The following PTH1R variants were observed in gnomAD, a reference collection of about 807,000 sequenced individuals.
The protein encoded by PTH1R is parathyroid hormone 1 receptor.
PTH1R carries 32 observed loss-of-function variants against 70.7 expected under a neutral mutation model. The ratio of observed to expected loss-of-function variants is 0.45; its 90% CI spans 0.34 to 0.61. PTH1R has a LOEUF of 0.61. PTH1R is among the 20% of genes least tolerant of loss of function. The pLI is 0.01. For synonymous variants in PTH1R, 329 were observed against 324.8 expected, an observed-to-expected ratio of 1.01 and a Z score of -0.14; for missense variants, 626 against 792.5, an observed-to-expected ratio of 0.79 and a Z score of 2.52.
chr3:46,895,917 C>T, intron 5 of PTH1R, 48 bp downstream of exon 5: 1 of 1,595,966 alleles, frequency 6.3e-7, no homozygotes, highest in Non-Finnish European at 8.5e-7. Context: ...TTGGATCCAC[C>T]CACCCCCATT....
rs185621223 is a variant in PTH1R at position 46,886,551 on chromosome 3, G to C, written c.75+2917G>C. Among the ~76,000 whole-genome samples, 299 of 152,276 alleles carry C rather than the reference G, an allele frequency of 2.0e-3. 1 individual carries two copies. The highest frequency in any genetic ancestry group is 7.0e-3 in the African/African-American group (289 of 41,560). The stretch of plus-strand genomic sequence containing the variant: ...TTTTTGTATTTTTAGTAGAGATGGA[G>C]TTTCACCGTGTTAGCCAGGATGGTC... On this transcript the variant is annotated intron_variant, in intron 3 of 15. Coordinates refer to ENST00000449590, the MANE Select transcript of PTH1R (RefSeq NM_000316.3).
Position 46,902,459 on chromosome 3 carries a change from G to A in PTH1R, c.1212-67G>A. 6.3e-7 allele frequency: 1 copy of A among 1,589,036 alleles called. No individual in the cohort carries two copies. Among genetic ancestry groups the A allele is most frequent in the Non-Finnish European group, 8.6e-7 (1 of 1,168,386 alleles). On this transcript the variant is annotated intron_variant, in intron 13 of 15. Transcript: ENST00000449590. This position sits in a 1 kb window ranked among gnomAD's most constrained non-coding sequence, Gnocchi z 5.4. ...TCCGGAGCCTGGGGCTCGCAGGGTG[G>A]GGGGTGGCACAATGCTTGTTGAAGG...
chr3:46,901,804 C>G lies in PTH1R; in HGVS notation c.1155C>G (p.Leu385=). The G allele has an allele frequency of 6.2e-7, 1 of 1,614,072 alleles. No homozygotes were observed. Among genetic ancestry groups the G allele is most frequent in the Non-Finnish European group, 8.5e-7 (1 of 1,179,982 alleles). The change falls in exon 13 of 16, where the codon CTC becomes CTG. Residue 385 remains leucine, a synonymous_variant. Transcript: ENST00000449590. The surrounding 1 kb of genome is among the most constrained non-coding windows in gnomAD (Gnocchi z 7.3). ...TCTTCATCAATATCGTCCGGGTGCT[C>G]GCCACCAAGCTGCGGGAGACCAACG... The part of the protein sequence containing the change: ...FILFINIVRV[L]ATKLRETNAG...
At position 46,893,139 on chromosome 3, in the gene PTH1R, C is replaced by T. The variant is rs1392031875; in HGVS notation, c.76-768C>T. 6.6e-6 allele frequency among the ~76,000 whole-genome samples: 1 copy of T among 151,790 alleles called. No homozygotes were observed. Among genetic ancestry groups the T allele is most frequent in the Non-Finnish European group, 1.5e-5 (1 of 67,934 alleles). On this transcript the variant is annotated intron_variant, in intron 3 of 15. Coordinates refer to ENST00000449590, the MANE Select transcript of PTH1R (RefSeq NM_000316.3). The surrounding 1 kb of genome is among the most constrained non-coding windows in gnomAD (Gnocchi z 5.2). ...GGTGGCAGCCAGGGCCCAGGGTGTG[C>T]AGGTTGGAGGGAAGGGAAAGGACAT...
In PTH1R at chr3:46,882,650, G is replaced by C. The variant is rs2030684624; in HGVS notation, c.-48-862G>C. On this transcript the variant is annotated intron_variant, in intron 2 of 15. Transcript: ENST00000449590. This position sits in a 1 kb window ranked among gnomAD's most constrained non-coding sequence, Gnocchi z 4.3. ...GTGGCTTTTTTGGAAACTTGCAAAT[G>C]TTTTCGTAGAGAGAAAAGGGGGAGG... Among the ~76,000 whole-genome samples the C allele has an allele frequency of 6.6e-6, 1 of 151,740 alleles. No homozygotes were observed. Among genetic ancestry groups the C allele is most frequent in the Non-Finnish European group, 1.5e-5 (1 of 67,900 alleles).
rs2030797035 is a variant in PTH1R at position 46,883,474 on chromosome 3, C to G, written c.-48-38C>G. 8.6e-7 allele frequency: 1 copy of G among 1,169,126 alleles called. No individual in the cohort carries two copies. Among genetic ancestry groups the G allele is most frequent in the Admixed American group, 4.2e-5 (1 of 23,580 alleles). 72.4% of individuals were successfully genotyped at this position (1,169,126 alleles called of 1,614,324 possible). ...ATAGGCCGGGGCGTGGGCGGGGCGGCCAGCCTGACGCAGCTCTGCACCCCC... is the reference window on the plus strand; with the variant it reads ...ATAGGCCGGGGCGTGGGCGGGGCGGGCAGCCTGACGCAGCTCTGCACCCCC... On this transcript the variant is annotated intron_variant, in intron 2 of 15. Transcript: ENST00000449590. The surrounding 1 kb of genome is among the most constrained non-coding windows in gnomAD (Gnocchi z 6.4).
rs992007809 is a variant in PTH1R, at chr3:46,902,347, C to T, written c.1212-179C>T. On this transcript the variant is annotated intron_variant, in intron 13 of 15. Transcript: ENST00000449590. This position sits in a 1 kb window ranked among gnomAD's most constrained non-coding sequence, Gnocchi z 5.4. ...GGGACACCGCTGAGAACCAACGGGC[C>T]CTATTAGCACTTAGCCAGGACAGCA... Among the ~76,000 whole-genome samples, 4 of 152,158 alleles carry T rather than the reference C, an allele frequency of 2.6e-5. No homozygotes were observed. Among genetic ancestry groups the T allele is most frequent in the East Asian group, 1.9e-4 (1 of 5,200 alleles).
chr3:46,898,514 G>A (rs780469270), intron 8 of PTH1R, 42 bp downstream of exon 8: 1 of 1,608,570 alleles, frequency 6.2e-7, no homozygotes, highest in South Asian at 1.1e-5. Flanking sequence ...ATGGTGGAGG[G>A]GGGGCGGTGG....
Position 46,897,849 on chromosome 3 carries a change from G to A in PTH1R, c.314-6G>A, listed in dbSNP as rs1329435754. 4 of 1,612,220 alleles carry A rather than the reference G, an allele frequency of 2.5e-6. No homozygotes were observed. Among genetic ancestry groups the A allele is most frequent in the Non-Finnish European group, 3.4e-6 (4 of 1,179,622 alleles). ...TATCCCCTACCCTGTCTGTCTCTGG[G>A]CACAGGGCGCCCCTGTCTGCCGGAA... On this transcript the variant is annotated splice_polypyrimidine_tract_variant and splice_region_variant and intron_variant, in intron 5 of 15. Transcript: ENST00000449590.
chr3:46,899,272 G>T, intron 9 of PTH1R, 31 bp from the exon 10 acceptor site: 1 of 1,613,628 alleles, frequency 6.2e-7, no homozygotes, highest in South Asian at 1.1e-5. Flanking sequence ...GGCAGGCCCT[G>T]CCCTCTGACT....
In PTH1R at chr3:46,883,680, C is replaced by T. The variant is rs899774952; in HGVS notation, c.75+46C>T. 4.1e-5 allele frequency: 64 copies of T among 1,543,000 alleles called. No individual in the cohort carries two copies. Among genetic ancestry groups the T allele is most frequent in the Middle Eastern group, 1.7e-4 (1 of 5,988 alleles). ...ACTCCGGGACAGGCTGCGGGCTTACCCTAGGGTCCGCGGGATAGGTCTAAG... is the reference window on the plus strand; with the variant it reads ...ACTCCGGGACAGGCTGCGGGCTTACTCTAGGGTCCGCGGGATAGGTCTAAG... On this transcript the variant is annotated intron_variant, in intron 3 of 15. Coordinates refer to ENST00000449590, the MANE Select transcript of PTH1R (RefSeq NM_000316.3). This position sits in a 1 kb window ranked among gnomAD's most constrained non-coding sequence, Gnocchi z 6.4.
chr3:46,899,226 C>T (rs1427225760), intron 9 of PTH1R, 77 bp from the exon 10 acceptor site: 3 of 1,596,880 alleles, frequency 1.9e-6, no homozygotes, highest in Admixed American at 1.7e-5. Context: ...CCTCTCCTGC[C>T]GCCCCAGCCC....
At chr3:46,890,612 G>A (rs2031360731) in intron 3 of PTH1R, among the ~76,000 whole-genome samples, 1 of 145,704 alleles carries the variant, frequency 6.9e-6, no homozygotes, top group East Asian at 2.0e-4. Flanking sequence ...GAGCGATTCT[G>A]CTGCCTCGGC....
rs957494286 is a variant in PTH1R, at chr3:46,891,078, T to C, written c.76-2829T>C. ...GGAAAGTGCTTCCTTAACTTTAACA[T>C]GAGTTATTCTTGTTGCAATGGCTGT... On this transcript the variant is annotated intron_variant, in intron 3 of 15. Transcript: ENST00000449590. This position sits in a 1 kb window ranked among gnomAD's most constrained non-coding sequence, Gnocchi z 4.3. 6.6e-6 allele frequency among the ~76,000 whole-genome samples: 1 copy of C among 152,258 alleles called. No individual in the cohort carries two copies. The highest frequency in any genetic ancestry group is 1.5e-5 in the Non-Finnish European group (1 of 68,046).
In PTH1R at chr3:46,901,136, T is replaced by A; in HGVS notation, c.1049+51T>A. 1 of 1,546,626 alleles carries A rather than the reference T, an allele frequency of 6.5e-7. No individual in the cohort carries two copies. Among genetic ancestry groups the A allele is most frequent in the Non-Finnish European group, 8.8e-7 (1 of 1,141,698 alleles). On this transcript the variant is annotated intron_variant, in intron 11 of 15. Transcript: ENST00000449590. The surrounding 1 kb of genome is among the most constrained non-coding windows in gnomAD (Gnocchi z 7.3). Reference sequence around the variant, plus strand: ...AGGCAAGAAGCACCCCTGGGTCCCTTTTCTTCCAGGAAGCATGTGAGAGGG... The same window carrying A: ...AGGCAAGAAGCACCCCTGGGTCCCTATTCTTCCAGGAAGCATGTGAGAGGG...
chr3:46,883,785 T>C lies in PTH1R; in HGVS notation c.75+151T>C. ...GATCCAGGATCCTGGGTGCCTGCTG[T>C]CTCTGGGATGTCTGGACTGTGGGTT... On this transcript the variant is annotated intron_variant, in intron 3 of 15. Transcript: ENST00000449590. The surrounding 1 kb of genome is among the most constrained non-coding windows in gnomAD (Gnocchi z 6.4). 1 of 894,324 alleles carries C rather than the reference T, an allele frequency of 1.1e-6. No homozygotes were observed. Among genetic ancestry groups the C allele is most frequent in the Non-Finnish European group, 1.7e-6 (1 of 582,294 alleles). The allele number at this position is 894,324 out of a possible 1,614,324, so 55.4% of individuals were successfully genotyped here.
At position 46,902,721 on chromosome 3, in the gene PTH1R, G is replaced by T; in HGVS notation, c.1354-28G>T. 6.2e-7 allele frequency: 1 copy of T among 1,614,062 alleles called. No individual in the cohort carries two copies. The highest frequency in any genetic ancestry group is 1.1e-5 in the South Asian group (1 of 91,078). On this transcript the variant is annotated intron_variant, in intron 14 of 15. Coordinates refer to ENST00000449590, the MANE Select transcript of PTH1R (RefSeq NM_000316.3). The surrounding 1 kb of genome is among the most constrained non-coding windows in gnomAD (Gnocchi z 5.4). ...AGGGTGGGAGGGGTTCCGGGGGCAG[G>T]CCTGATTCGAGACACCCCTCTTCAC...
rs772990512 is a variant in PTH1R, at chr3:46,898,087, A to G, written c.438A>G (p.Arg146=). ...ATGGACCTGCAGGCCATGCCTACCGACGCTGTGACCGCAATGGCAGCTGGG... is the reference window on the plus strand; with the variant it reads ...ATGGACCTGCAGGCCATGCCTACCGGCGCTGTGACCGCAATGGCAGCTGGG... ...YDFNHKGHAY[R]RCDRNGSWEL... The change falls in exon 7 of 16, where the codon CGA becomes CGG. Residue 146 remains arginine, a synonymous_variant. Coordinates refer to ENST00000449590, the MANE Select transcript of PTH1R (RefSeq NM_000316.3). 3.1e-6 allele frequency: 5 copies of G among 1,614,132 alleles called. No individual in the cohort carries two copies. Among genetic ancestry groups the G allele is most frequent in the Non-Finnish European group, 4.2e-6 (5 of 1,180,016 alleles).
intron 7 of PTH1R, 38 bp from the exon 8 acceptor site, chr3:46,898,340 C>T (rs1319984303): frequency 4.4e-6 from 7 of 1,602,874 alleles, no homozygotes; most frequent in Non-Finnish European, 6.0e-6. Flanking sequence ...CTCCCTGGGT[C>T]CCAGGGCTCT....
Sources: allele counts gnomAD v4.1 joint callset (sites outside exome capture counted in the v4.1 genomes callset), GRCh38; gene constraint gnomAD v4.1.1; non-coding constraint Gnocchi (gnomAD v3.1); transcripts MANE v1.5; gene names NCBI Gene and HGNC (gene_info 2026-07-23, HGNC 2026-07-21).